GAN: variants seen among roughly 807,000 people sequenced by gnomAD.
The protein encoded by GAN is epididymis secretory sperm binding protein.
GAN carries 48 observed loss-of-function variants against 71.3 expected under a neutral mutation model. That is an observed-to-expected ratio of 0.67 (90% confidence interval 0.53 to 0.86). GAN has a LOEUF of 0.86. GAN is among the 40% of genes least tolerant of loss of function. The pLI, the probability that GAN is intolerant of heterozygous loss-of-function variation, is 0.00. For missense variants in GAN, 928 were observed against 770.1 expected, an observed-to-expected ratio of 1.21 and a Z score of -2.43; for synonymous variants, 386 against 276.8, an observed-to-expected ratio of 1.39 and a Z score of -3.92.
intron 1 of GAN, among the ~76,000 whole-genome samples, chr16:81,338,336 C>A (rs927971209): frequency 6.6e-6 from 1 of 152,094 alleles, no homozygotes; most frequent in African/African-American, 2.4e-5. Flanking sequence ...CTGTAGCCTC[C>A]TGAGGTGGGG....
At chr16:81,315,604 C>G (rs1398992700) in intron 1 of GAN, among the ~76,000 whole-genome samples, 1 of 152,092 alleles carries the variant, frequency 6.6e-6, no homozygotes, top group Admixed American at 6.5e-5. Context: ...CCTCGGAGAC[C>G]CTGAGGCCCC....
intron 9 of GAN, among the ~76,000 whole-genome samples, chr16:81,374,270 T>G (rs139065859): frequency 1.3e-5 from 2 of 152,228 alleles, no homozygotes; most frequent in Non-Finnish European, 2.9e-5. Flanking sequence ...CCTTGATGAC[T>G]TGGTTAAGGT....
At position 81,384,383 on chromosome 16, in the gene GAN, T is replaced by A. The variant is rs999691983; in HGVS notation, c.*6787T>A. 1 of 152,026 alleles carries A rather than the reference T, an allele frequency of 6.6e-6. No homozygotes were observed. Among genetic ancestry groups the A allele is most frequent in the Admixed American group, 6.6e-5 (1 of 15,214 alleles). 9.4% of individuals were successfully genotyped at this position (152,026 alleles called of 1,614,324 possible). On this transcript the variant is annotated 3_prime_UTR_variant, in exon 11 of 11. Transcript: ENST00000648994. ...TCTCCTAGAGTTGCTGCAAACTGAT[T>A]ACTTGAAACTCAACTTGAACTTTAA...
Position 81,355,684 on chromosome 16 carries a change from A to G in GAN, c.633+929A>G, listed in dbSNP as rs78024599. Among the ~76,000 whole-genome samples the G allele has an allele frequency of 2.4e-3, 359 of 152,346 alleles. 7 individuals are homozygous for G. Among genetic ancestry groups the G allele is most frequent in the East Asian group, 6.0e-3 (31 of 5,190 alleles). Reference sequence around the variant, plus strand: ...AGCCAGGACTTCATTTTTAAGTCTGATTATTATAAATAAGACACTAGCTCC... The same window carrying G: ...AGCCAGGACTTCATTTTTAAGTCTGGTTATTATAAATAAGACACTAGCTCC... On this transcript the variant is annotated intron_variant, in intron 3 of 10. Coordinates refer to ENST00000648994, the MANE Select transcript of GAN (RefSeq NM_022041.4).
In GAN at chr16:81,357,918, A is replaced by G. The variant is rs754947122; in HGVS notation, c.960A>G (p.Gly320=). 1 of 1,613,772 alleles carries G rather than the reference A, an allele frequency of 6.2e-7. No individual in the cohort carries two copies. Among genetic ancestry groups the G allele is most frequent in the Non-Finnish European group, 8.5e-7 (1 of 1,179,758 alleles). Residue 320 remains glycine, a synonymous_variant, in exon 5 of 11, where the codon GGA becomes GGG. Coordinates refer to ENST00000648994, the MANE Select transcript of GAN (RefSeq NM_022041.4). ...APLSMPRINH[G]VLSAEGFLFV... ...TAAGCATGCCGAGAATTAACCATGG[A>G]GTTCTCTCAGCAGGTACCGTTCTGT...
chr16:81,354,663 G>A lies in GAN; in HGVS notation c.541G>A (p.Val181Met). ...LELSPQKLKE[V>M]ISLEKLNVGN... ...GCTGAGTCCTCAAAAGCTTAAAGAA[G>A]TGATTTCTCTTGAGAAGTTAAACGT... Residue 181 changes from valine (V) to methionine (M), a missense_variant, in exon 3 of 11, where the codon GTG becomes ATG. Physicochemically the swap from Val to Met is conservative, Grantham distance 21. Transcript: ENST00000648994. 2.5e-6 allele frequency: 4 copies of A among 1,613,510 alleles called. No homozygotes were observed. The highest frequency in any genetic ancestry group is 3.4e-6 in the Non-Finnish European group (4 of 1,179,404).
rs550699527 is a variant in GAN at position 81,384,574 on chromosome 16, A to G, written c.*6978A>G. ...TGGGATTTGGGTGCTTGAGGATACTATTTTTTTCATTTCTTATAAGGTGCT... is the reference window on the plus strand; with the variant it reads ...TGGGATTTGGGTGCTTGAGGATACTGTTTTTTTCATTTCTTATAAGGTGCT... On this transcript the variant is annotated 3_prime_UTR_variant, in exon 11 of 11. Coordinates refer to ENST00000648994, the MANE Select transcript of GAN (RefSeq NM_022041.4). 1.4e-4 allele frequency: 22 copies of G among 152,080 alleles called. No homozygotes were observed. Among genetic ancestry groups the G allele is most frequent in the African/African-American group, 5.1e-4 (21 of 41,474 alleles). 9.4% of individuals were successfully genotyped at this position (152,080 alleles called of 1,614,324 possible). A position where few individuals can be genotyped will look rare whatever the true frequency, so the allele number is the denominator to read the frequency against.
chr16:81,339,858 G>C (rs1909884105), intron 1 of GAN, among the ~76,000 whole-genome samples: 1 of 152,150 alleles, frequency 6.6e-6, no homozygotes, highest in Admixed American at 6.5e-5. Context: ...TGATGGGAAG[G>C]TGTCAGGGGC....
intron 1 of GAN, among the ~76,000 whole-genome samples, chr16:81,348,626 T>C (rs930468576): frequency 2.6e-5 from 4 of 152,224 alleles, no homozygotes; most frequent in African/African-American, 9.6e-5. Context: ...ACAGGCCGCC[T>C]CTGTTTAGCC....
At chr16:81,345,330 A>G (rs1383972294) in intron 1 of GAN, among the ~76,000 whole-genome samples, 3 of 152,232 alleles carry the variant, frequency 2.0e-5, no homozygotes, top group Non-Finnish European at 4.4e-5. Flanking sequence ...TATTCACAAT[A>G]GCAAAGACTT....
chr16:81,323,105 G>C (rs1401723823), intron 1 of GAN, among the ~76,000 whole-genome samples: 1 of 152,176 alleles, frequency 6.6e-6, no homozygotes, highest in Non-Finnish European at 1.5e-5. Context: ...CTTCCATTTG[G>C]TTAGTCCAGG....
intron 9 of GAN, among the ~76,000 whole-genome samples, chr16:81,375,947 A>G (rs950001194): frequency 6.7e-6 from 1 of 149,414 alleles, no homozygotes; most frequent in Non-Finnish European, 1.5e-5. Context: ...TCCAGCCTGG[A>G]TGAGTGACAG....
chr16:81,373,231 T>C (rs1046917139), intron 9 of GAN, among the ~76,000 whole-genome samples: 6 of 152,096 alleles, frequency 3.9e-5, no homozygotes, highest in Non-Finnish European at 7.3e-5. Flanking sequence ...GATGGAGTGA[T>C]GACCATATGA....
At position 81,356,824 on chromosome 16, in the gene GAN, G is replaced by T; in HGVS notation, c.673G>T (p.Gly225Trp). The stretch of plus-strand genomic sequence containing the variant: ...TGTTATGTCAGCTCTGTGGGTTTCA[G>T]GGTTGGACTCCAGTTATTTACGGGA... ...KDVMSALWVS[G>W]LDSSYLREQM... The change falls in exon 4 of 11, where the codon GGG becomes TGG. Residue 225 changes from glycine (G) to tryptophan (W), a missense_variant. Transcript: ENST00000648994. 1 of 1,613,872 alleles carries T rather than the reference G, an allele frequency of 6.2e-7. No individual in the cohort carries two copies. Among genetic ancestry groups the T allele is most frequent in the Non-Finnish European group, 8.5e-7 (1 of 1,179,748 alleles).
intron 1 of GAN, among the ~76,000 whole-genome samples, chr16:81,330,740 A>G (rs981724314): frequency 9.2e-5 from 14 of 152,248 alleles, no homozygotes; most frequent in East Asian, 3.8e-4. Flanking sequence ...CTCCTTGAAT[A>G]TACTTACAAA....
At chr16:81,339,283 A>G (rs1160766889) in intron 1 of GAN, among the ~76,000 whole-genome samples, 4 of 152,230 alleles carry the variant, frequency 2.6e-5, no homozygotes, top group Non-Finnish European at 4.4e-5. Flanking sequence ...TTGTATGAGC[A>G]TTAAAGTTTG....
chr16:81,357,955 C>G (rs1167112517), intron 5 of GAN, 24 bp downstream of exon 5: 1 of 1,604,042 alleles, frequency 6.2e-7, no homozygotes, highest in Non-Finnish European at 8.5e-7. Flanking sequence ...GCAAATTTTC[C>G]TTAAACAGCA....
At chr16:81,323,004 T>A (rs1909268108) in intron 1 of GAN, among the ~76,000 whole-genome samples, 1 of 152,196 alleles carries the variant, frequency 6.6e-6, no homozygotes, top group African/African-American at 2.4e-5. Flanking sequence ...CTGATATTCG[T>A]GTTTGCCATT....
Position 81,315,049 on chromosome 16 carries a change from C to G in GAN, c.-65C>G. 1.5e-6 allele frequency: 2 copies of G among 1,320,586 alleles called. No individual in the cohort carries two copies. Among genetic ancestry groups the G allele is most frequent in the South Asian group, 1.8e-5 (1 of 56,788 alleles). The allele number at this position is 1,320,586 out of a possible 1,614,324, so 81.8% of individuals were successfully genotyped here. On this transcript the variant is annotated 5_prime_UTR_variant, in exon 1 of 11. Coordinates refer to ENST00000648994, the MANE Select transcript of GAN (RefSeq NM_022041.4). ...GCGGGCGCGCGCGCAGGACTCGGGC[C>G]GCTCGAGGGGTCCGGCCGGACGGTG...
Sources: gnomAD v4.1 joint callset for allele counts (sites outside exome capture counted in the v4.1 genomes callset) on GRCh38, gnomAD v4.1.1 for gene constraint, MANE v1.5 for transcripts, NCBI Gene and HGNC (gene_info 2026-07-23, HGNC 2026-07-21) for gene names.